USP34: variants seen among roughly 807,000 people sequenced by gnomAD.
USP34 encodes ubiquitin specific peptidase 34.
USP34 carries 70 observed loss-of-function variants against 460.3 expected under a neutral mutation model. The ratio of observed to expected loss-of-function variants is 0.15; its 90% CI spans 0.13 to 0.19. The LOEUF (loss-of-function observed/expected upper bound fraction) is 0.19, where lower values mean the gene tolerates loss of function less well. USP34 is among the 10% of genes least tolerant of loss of function. The probability of loss-of-function intolerance (pLI) is 1.00; values close to 1 mark genes in which losing one functional copy is unlikely to be tolerated. For missense variants in USP34, 3,985 were observed against 4,236.2 expected (o/e 0.94, Z 1.65); for synonymous variants, 1,647 against 1,405.3 (o/e 1.17, Z -3.85).
intron 69 of USP34, among the ~76,000 whole-genome samples, chr2:61,211,208 C>T (rs898452166): frequency 1.3e-5 from 2 of 152,022 alleles, no homozygotes; most frequent in African/African-American, 4.8e-5. Flanking sequence ...ACAACACTTC[C>T]AAGTCTTAGA....
intron 2 of USP34, among the ~76,000 whole-genome samples, chr2:61,415,193 A>AT (rs1476855311): frequency 2.0e-5 from 3 of 152,140 alleles, no homozygotes; most frequent in Non-Finnish European, 4.4e-5. Flanking sequence ...AAAATGAATT[A>AT]TAAGGATGAG....
At chr2:61,229,485 AAAACAAAAACACC>A in intron 59 of USP34, 50 bp downstream of exon 59, 1 of 805,692 alleles carries the variant, frequency 1.2e-6, no homozygotes, top group South Asian at 3.7e-5. Flanking sequence ...ACAAAAAAAA[AAAACAAAAACACC>A]ACACACACAC....
intron 78 of USP34, 49 bp from the exon 79 acceptor site, chr2:61,189,118 G>C (rs751787145): frequency 2.5e-6 from 4 of 1,577,368 alleles, no homozygotes; most frequent in African/African-American, 1.4e-5. Flanking sequence ...CCAACACTTT[G>C]ATGCAGTTGT....
Position 61,188,319 on chromosome 2 carries a change from G to T in USP34, c.10424C>A (p.Ala3475Glu), listed in dbSNP as rs753213727. 6.2e-7 allele frequency: 1 copy of T among 1,613,574 alleles called. No homozygotes were observed. Among genetic ancestry groups the T allele is most frequent in the African/African-American group, 1.3e-5 (1 of 74,908 alleles). ...CAAGTCAGCTAAGTCAGACAGAACT[G>T]CAGAGATAGAAGTAGAAGGGAACTC... ...ESEFPSTSIS[A>E]VLSDLADLRS... Residue 3475 changes from alanine (A) to glutamate (E), a missense_variant, in exon 80 of 80, where the codon GCA (alanine) becomes GAA (glutamate). Physicochemically the swap from Ala to Glu is moderately radical, Grantham distance 107. Coordinates refer to ENST00000398571, the MANE Select transcript of USP34 (RefSeq NM_014709.4).
At chr2:61,329,133 T>TGCC (rs1691182778) in intron 20 of USP34, among the ~76,000 whole-genome samples, 2 of 152,048 alleles carry the variant, frequency 1.3e-5, no homozygotes, top group South Asian at 4.2e-4. Flanking sequence ...GTGGTTCTCC[T>TGCC]GCCTCAGCCG....
chr2:61,211,624 T>C, intron 69 of USP34, 148 bp downstream of exon 69: 1 of 877,210 alleles, frequency 1.1e-6, no homozygotes, highest in East Asian at 3.2e-5. Context: ...AAAAACTGTT[T>C]AAAAGTAGTT....
At chr2:61,381,330 C>T (rs2103865095) in intron 6 of USP34, among the ~76,000 whole-genome samples, 1 of 151,786 alleles carries the variant, frequency 6.6e-6, no homozygotes, top group East Asian at 1.9e-4. Flanking sequence ...TGATAAATGG[C>T]TGTTGTTTCA....
chr2:61,365,292 CGT>C lies in USP34; in HGVS notation c.1251+5027_1251+5028del, dbSNP rs1165133940. Among the ~76,000 whole-genome samples, 140 of 142,192 alleles carry C rather than the reference CGT, an allele frequency of 9.8e-4. 1 individual carries two copies. The highest frequency in any genetic ancestry group is 2.5e-3 in the East Asian group (12 of 4,846). 93.3% of individuals were successfully genotyped at this position (142,192 alleles called of 152,430 possible). ...ACACACACACACACACACACACACA[CGT>C]GTGTTTATTTATAAATGTGTGTGTG... On this transcript the variant is annotated intron_variant, in intron 10 of 79. Coordinates refer to ENST00000398571, the MANE Select transcript of USP34 (RefSeq NM_014709.4).
At chr2:61,256,777 A>G in intron 47 of USP34, 96 bp downstream of exon 47, 1 of 939,516 alleles carries the variant, frequency 1.1e-6, no homozygotes, top group Non-Finnish European at 1.5e-6. Context: ...TAAAAACATG[A>G]AAAAAGTTTA....
At chr2:61,294,820 G>T (rs1689976603) in intron 32 of USP34, 129 bp downstream of exon 32, 1 of 788,140 alleles carries the variant, frequency 1.3e-6, no homozygotes, top group Non-Finnish European at 2.0e-6. Context: ...AGTAATACAT[G>T]ATTTTTAAAC....
intron 29 of USP34, among the ~76,000 whole-genome samples, chr2:61,298,572 A>AAAAAAAAAAAAAAAAAC (rs1690115222): frequency 1.5e-5 from 2 of 130,154 alleles, no homozygotes; most frequent in African/African-American, 2.9e-5. Flanking sequence ...AAAAAAAAAA[A>AAAAAAAAAAAAAAAAAC]TCTGCTGAAA....
At chr2:61,335,982 T>C (rs1022969430) in intron 18 of USP34, among the ~76,000 whole-genome samples, 1 of 152,160 alleles carries the variant, frequency 6.6e-6, no homozygotes, top group African/African-American at 2.4e-5. Flanking sequence ...AAGTTACATA[T>C]GGATGATTTT....
chr2:61,454,675 G>A (rs964347955), intron 1 of USP34, among the ~76,000 whole-genome samples: 3 of 151,030 alleles, frequency 2.0e-5, no homozygotes, highest in Admixed American at 1.3e-4. Flanking sequence ...TCAGCCTCCC[G>A]AGTAGCCAAG....
chr2:61,225,618 G>C (rs1163460067), intron 62 of USP34, among the ~76,000 whole-genome samples: 1 of 151,634 alleles, frequency 6.6e-6, no homozygotes, highest in Non-Finnish European at 1.5e-5. Flanking sequence ...GTCAATTCTT[G>C]TATTTGAGGT....
At chr2:61,216,899 T>A (rs577680716) in intron 67 of USP34, among the ~76,000 whole-genome samples, 5 of 148,948 alleles carry the variant, frequency 3.4e-5, no homozygotes, top group African/African-American at 1.2e-4. Flanking sequence ...GCCTGGGCGA[T>A]GGGGCAAGAC....
At chr2:61,292,355 T>C (rs1011685272) in intron 33 of USP34, among the ~76,000 whole-genome samples, 1 of 152,216 alleles carries the variant, frequency 6.6e-6, no homozygotes, top group African/African-American at 2.4e-5. Context: ...ATTTCTATCT[T>C]AGACATGCTT....
In USP34 at chr2:61,214,292, C is replaced by T. The variant is rs752291175; in HGVS notation, c.8450G>A (p.Arg2817His). The stretch of plus-strand genomic sequence containing the variant: ...TACCACTGGGTTCTGAACAATAAGG[C>T]GGATATTCTCTGGACAGTCAGCACA... ...NVCADCPENI[R>H]LIVQNPVVTK... Residue 2817 changes from arginine (R) to histidine (H), a missense_variant, in exon 68 of 80, where the codon CGC becomes CAC. This residue lies in a region of USP34 where 66 missense variants were observed against 121.2 expected (regional missense o/e 0.54). Coordinates refer to ENST00000398571, the MANE Select transcript of USP34 (RefSeq NM_014709.4). The T allele has an allele frequency of 9.3e-6, 15 of 1,614,014 alleles. No homozygotes were observed. The highest frequency in any genetic ancestry group is 1.7e-5 in the Admixed American group (1 of 59,998).
At position 61,348,293 on chromosome 2, in the gene USP34, T is replaced by A. The variant is rs768803330; in HGVS notation, c.1862A>T (p.Lys621Ile). The A allele has an allele frequency of 2.5e-6, 4 of 1,614,206 alleles. No homozygotes were observed. The highest frequency in any genetic ancestry group is 1.7e-6 in the Non-Finnish European group (2 of 1,180,034). The change falls in exon 15 of 80, where the codon AAA becomes ATA. Residue 621 changes from lysine to isoleucine, a missense_variant. Transcript: ENST00000398571. ...ATGATCATCGTCTTCATCTTCCTCTTTGAGGGCTTCAATATCTGCAATGTC... is the reference window on the plus strand; with the variant it reads ...ATGATCATCGTCTTCATCTTCCTCTATGAGGGCTTCAATATCTGCAATGTC... ...SEDIADIEAL[K>I]EEDEDDDHGH... is the part of the protein sequence containing the mutation.
intron 69 of USP34, 52 bp from the exon 70 acceptor site, chr2:61,209,029 CTT>C (rs749101444): frequency 4.5e-5 from 51 of 1,121,700 alleles, no homozygotes; most frequent in Non-Finnish European, 6.2e-5. Flanking sequence ...GAACACAACA[CTT>C]AGGTGATGAA....
Sources: allele counts gnomAD v4.1 joint callset (sites outside exome capture counted in the v4.1 genomes callset), GRCh38; gene constraint gnomAD v4.1.1; regional missense constraint gnomAD v4.1.1; transcripts MANE v1.5; gene names NCBI Gene and HGNC (gene_info 2026-07-23, HGNC 2026-07-21).